CCL17: variants seen among roughly 807,000 people sequenced by gnomAD.
CCL17 encodes C-C motif chemokine ligand 17.
CCL17 carries 8 observed loss-of-function variants against 7.4 expected under a neutral mutation model. That is an observed-to-expected ratio of 1.09 (90% confidence interval 0.64 to 1.96). The LOEUF (loss-of-function observed/expected upper bound fraction) is 1.96, where lower values mean the gene tolerates loss of function less well. CCL17 is among the 30% of genes most tolerant of loss of function. The pLI is 0.00. For synonymous variants in CCL17, 40 were observed against 46.1 expected, an observed-to-expected ratio of 0.87 and a Z score of 0.54; for missense variants, 102 against 113.0, an observed-to-expected ratio of 0.90 and a Z score of 0.44.
At chr16:57,406,648 C>T (rs1902700459) in intron 1 of CCL17, among the ~76,000 whole-genome samples, 1 of 152,048 alleles carries the variant, frequency 6.6e-6, no homozygotes, top group South Asian at 2.1e-4. Context: ...GGAGGAGCAT[C>T]AAGAAGGATG....
upstream of CCL17, among the ~76,000 whole-genome samples, chr16:57,399,954 C>T (rs1355577174): frequency 6.6e-6 from 1 of 152,186 alleles, no homozygotes; most frequent in Admixed American, 6.5e-5. Context: ...CCAAGGAAGA[C>T]TTTAATCGAG....
chr16:57,415,897 G>GAGAC lies in CCL17; in HGVS notation c.*37_*38insGACA. ...CCCCAGACTCCTGACTGTCTCCCGGGACTACCTGGGACCTCCACCGTTGGT... is the reference window on the plus strand; with the variant it reads ...CCCCAGACTCCTGACTGTCTCCCGGGAGACACTACCTGGGACCTCCACCGTTGGT... On this transcript the variant is annotated 3_prime_UTR_variant, in exon 4 of 4. Transcript: ENST00000219244. The surrounding 1 kb of genome is among the most constrained non-coding windows in gnomAD (Gnocchi z 4.5). 2.9e-6 allele frequency: 4 copies of GAGAC among 1,365,536 alleles called. No individual in the cohort carries two copies. The highest frequency in any genetic ancestry group is 3.1e-6 in the Non-Finnish European group (3 of 953,828). 84.6% of individuals were successfully genotyped at this position (1,365,536 alleles called of 1,614,324 possible).
chr16:57,413,864 C>A lies in CCL17; in HGVS notation c.-59-10C>A. 2.1e-6 allele frequency: 3 copies of A among 1,421,624 alleles called. No homozygotes were observed. The highest frequency in any genetic ancestry group is 2.9e-6 in the Non-Finnish European group (3 of 1,037,036). The allele number at this position is 1,421,624 out of a possible 1,614,324, so 88.1% of individuals were successfully genotyped here. A position where few individuals can be genotyped will look rare whatever the true frequency, so the allele number is the denominator to read the frequency against. On this transcript the variant is annotated splice_polypyrimidine_tract_variant and intron_variant, in intron 1 of 3. Coordinates refer to ENST00000219244, the MANE Select transcript of CCL17 (RefSeq NM_002987.3). ...TTAAATAGGTCACTGCCACCCTCGA[C>A]TCTCAGCAGGGTGTCTCCCTGAGCA...
chr16:57,406,041 C>CA (rs111861821), intron 1 of CCL17, among the ~76,000 whole-genome samples: 90,756 of 144,818 alleles, frequency 0.63, 28,259 homozygotes, highest in African/African-American at 0.67. Context: ...GACTCCGTCT[C>CA]AAAAAAAAAA....
At chr16:57,403,524 ATGTT>A (rs1902641201), upstream of CCL17, among the ~76,000 whole-genome samples, 3 of 31,734 alleles carry the variant, frequency 9.5e-5, no homozygotes, top group African/African-American at 5.7e-4. Flanking sequence ...TATTATATAT[ATGTT>A]ATATATATTA....
intron 1 of CCL17, among the ~76,000 whole-genome samples, chr16:57,406,909 A>G (rs72792975): frequency 0.043 from 6,515 of 152,236 alleles, 186 homozygotes; most frequent in Middle Eastern, 0.085. Context: ...TCACTGCCCA[A>G]TGTAAGGCAG....
intron 1 of CCL17, among the ~76,000 whole-genome samples, chr16:57,409,797 A>C (rs1902755448): frequency 6.6e-6 from 1 of 152,150 alleles, no homozygotes. Flanking sequence ...TCTTTGGGAC[A>C]GGGGATTGGG....
intron 1 of CCL17, among the ~76,000 whole-genome samples, chr16:57,413,548 T>C (rs1416789018): frequency 6.6e-6 from 1 of 152,182 alleles, no homozygotes; most frequent in Non-Finnish European, 1.5e-5. Flanking sequence ...CCACCATGCA[T>C]GAAGGATGCT....
intron 1 of CCL17, among the ~76,000 whole-genome samples, chr16:57,405,422 T>A (rs146426715): frequency 1.3e-5 from 2 of 151,630 alleles, no homozygotes; most frequent in East Asian, 3.9e-4. Context: ...GAGGAATGAG[T>A]CAAGGGCAAA....
chr16:57,409,639 C>G (rs1902753316), intron 1 of CCL17, among the ~76,000 whole-genome samples: 1 of 152,160 alleles, frequency 6.6e-6, no homozygotes, highest in South Asian at 2.1e-4. Context: ...AGGACGCATG[C>G]AGGTAGCCAA....
the CCL17 span, among the ~76,000 whole-genome samples, chr16:57,398,706 G>T: frequency 6.6e-6 from 1 of 152,272 alleles, no homozygotes; most frequent in East Asian, 1.9e-4. Flanking sequence ...CTTGTTGTAG[G>T]CAGAGCTGGG....
upstream of CCL17, among the ~76,000 whole-genome samples, chr16:57,404,547 G>A (rs2146532815): frequency 6.6e-6 from 1 of 152,200 alleles, no homozygotes; most frequent in East Asian, 1.9e-4. Context: ...TCAGACTTGG[G>A]GGGTTGGAGC....
chr16:57,398,261 C>G, the CCL17 span, among the ~76,000 whole-genome samples: 1 of 152,214 alleles, frequency 6.6e-6, no homozygotes, highest in Non-Finnish European at 1.5e-5. Flanking sequence ...TACCCATAAA[C>G]AGTGAGGCCA....
intron 1 of CCL17, among the ~76,000 whole-genome samples, chr16:57,412,350 G>A (rs368121553): frequency 5.3e-5 from 8 of 152,178 alleles, no homozygotes; most frequent in South Asian, 2.1e-4. Context: ...AGGCTCCTCC[G>A]AAGTCGAGGG....
intron 1 of CCL17, among the ~76,000 whole-genome samples, chr16:57,413,377 C>G (rs1237044617): frequency 6.6e-6 from 1 of 151,954 alleles, no homozygotes; most frequent in Non-Finnish European, 1.5e-5. Flanking sequence ...GCCCTGGCAG[C>G]ACCCTGAAGC....
At chr16:57,403,737 A>G (rs541137487), upstream of CCL17, among the ~76,000 whole-genome samples, 5 of 134,886 alleles carry the variant, frequency 3.7e-5, no homozygotes, top group Non-Finnish European at 6.1e-5. Flanking sequence ...GCTCACTGCA[A>G]CCTCTGCCTC....
upstream of CCL17, among the ~76,000 whole-genome samples, chr16:57,403,953 G>T (rs994851353): frequency 6.6e-6 from 1 of 151,840 alleles, no homozygotes; most frequent in African/African-American, 2.4e-5. Flanking sequence ...CACCACGCCC[G>T]GCCTAAAAAA....
At chr16:57,414,083 C>A in intron 2 of CCL17, 81 bp downstream of exon 2, 1 of 1,113,588 alleles carries the variant, frequency 9.0e-7, no homozygotes, top group Non-Finnish European at 1.3e-6. Context: ...CAGCAATACA[C>A]ACGTTTGTGT....
the CCL17 span, among the ~76,000 whole-genome samples, chr16:57,398,918 A>C: frequency 6.6e-6 from 1 of 152,176 alleles, no homozygotes; most frequent in African/African-American, 2.4e-5. Context: ...CTAAACCTTG[A>C]GGCAAGACCG....
Sources: gnomAD v4.1 joint callset for allele counts (sites outside exome capture counted in the v4.1 genomes callset) on GRCh38, gnomAD v4.1.1 for gene constraint, Gnocchi (gnomAD v3.1) non-coding constraint, MANE v1.5 for transcripts, NCBI Gene and HGNC (gene_info 2026-07-23, HGNC 2026-07-21) for gene names.